EYS: variants seen among roughly 807,000 people sequenced by gnomAD.
EYS encodes the protein EGF-like photoreceptor maintenance factor.
A neutral mutation model predicts 282.1 loss-of-function variants in EYS; 250 were observed. The observed-to-expected ratio is 0.89, with a 90% CI of 0.80 to 0.98. The LOEUF (loss-of-function observed/expected upper bound fraction) is 0.98. EYS is among the 50% of genes least tolerant of loss of function. EYS has a pLI of 0.00. For missense variants in EYS, 4,016 were observed against 3,709.0 expected (o/e 1.08, Z -2.15); for synonymous variants, 1,355 against 1,282.9 (o/e 1.06, Z -1.20).
At chr6:64,297,436 T>C (rs1260971209) in intron 30 of EYS, among the ~76,000 whole-genome samples, 1 of 152,180 alleles carries the variant, frequency 6.6e-6, no homozygotes, top group Non-Finnish European at 1.5e-5. Flanking sequence ...AGAAACTCCA[T>C]GTAAAACAAC....
chr6:64,406,583 C>T (rs1039946257), intron 28 of EYS, among the ~76,000 whole-genome samples: 5 of 151,816 alleles, frequency 3.3e-5, no homozygotes, highest in Middle Eastern at 3.2e-3. Context: ...GGCTAATATC[C>T]AGAATCTACA....
intron 5 of EYS, among the ~76,000 whole-genome samples, chr6:65,445,487 T>C (rs1020171586): frequency 1.3e-5 from 2 of 151,874 alleles, no homozygotes; most frequent in African/African-American, 2.4e-5. Context: ...TGCTAATTTA[T>C]ATTTTAACTT....
At chr6:64,199,818 A>G (rs1436791351) in intron 31 of EYS, among the ~76,000 whole-genome samples, 3 of 152,228 alleles carry the variant, frequency 2.0e-5, no homozygotes, top group Non-Finnish European at 1.5e-5. Flanking sequence ...CATATGAAAA[A>G]AATGCTCTTA....
chr6:65,379,088 G>T (rs1021008703), intron 8 of EYS, among the ~76,000 whole-genome samples: 2 of 149,366 alleles, frequency 1.3e-5, no homozygotes, highest in African/African-American at 5.1e-5. Context: ...AGAAAAAAAA[G>T]AGAGGGACTC....
At chr6:65,227,985 AG>A (rs2150265241) in intron 12 of EYS, among the ~76,000 whole-genome samples, 1 of 152,228 alleles carries the variant, frequency 6.6e-6, no homozygotes, top group East Asian at 1.9e-4. Flanking sequence ...AGTTCTAGTA[AG>A]GAATAAGGAT....
chr6:63,965,773 G>T (rs574922807), intron 35 of EYS, among the ~76,000 whole-genome samples: 7 of 152,210 alleles, frequency 4.6e-5, no homozygotes, highest in African/African-American at 1.2e-4. Context: ...AGATCTGGGG[G>T]AACGGCTCAT....
chr6:65,119,262 T>C (rs189816748), intron 12 of EYS, among the ~76,000 whole-genome samples: 2 of 152,276 alleles, frequency 1.3e-5, no homozygotes, highest in Admixed American at 1.3e-4. Context: ...GCAGCATGCT[T>C]GGGAATACCA....
intron 22 of EYS, among the ~76,000 whole-genome samples, chr6:64,671,863 A>G (rs114320001): frequency 0.015 from 2,210 of 152,292 alleles, 49 homozygotes; most frequent in African/African-American, 0.051. Context: ...TACATGTCCA[A>G]AAACAACATT....
chr6:63,852,357 T>C (rs1310744153), intron 36 of EYS, among the ~76,000 whole-genome samples: 6 of 151,912 alleles, frequency 3.9e-5, no homozygotes, highest in Non-Finnish European at 8.8e-5. Context: ...AACACCTCTA[T>C]GCAAATAAAC....
At position 65,365,083 on chromosome 6, in the gene EYS, C is replaced by T. The variant is rs904249922; in HGVS notation, c.1300-11466G>A. On this transcript the variant is annotated intron_variant, in intron 8 of 42. Coordinates refer to ENST00000503581, the MANE Select transcript of EYS (RefSeq NM_001142800.2). Reference sequence around the variant, plus strand: ...TCTGAAGAGCAGCTGGAAAAATAAACAGTCAGGACTTCAGCCAACTATCAA... The same window carrying T: ...TCTGAAGAGCAGCTGGAAAAATAAATAGTCAGGACTTCAGCCAACTATCAA... 2.0e-5 allele frequency among the ~76,000 whole-genome samples: 3 copies of T among 151,604 alleles called. No individual in the cohort carries two copies. In the Admixed American group the frequency reaches 2.0e-4, roughly 10 times the overall value.
chr6:63,896,282 A>G (rs1034367071), intron 35 of EYS, among the ~76,000 whole-genome samples: 2 of 152,180 alleles, frequency 1.3e-5, no homozygotes, highest in African/African-American at 4.8e-5. Flanking sequence ...ATATATTACA[A>G]TGCACTGAAT....
At chr6:63,786,931 T>G (rs1770379969) in intron 39 of EYS, among the ~76,000 whole-genome samples, 1 of 152,092 alleles carries the variant, frequency 6.6e-6, no homozygotes, top group South Asian at 2.1e-4. Context: ...CCTGGTAAGT[T>G]GGTAACAATA....
At chr6:65,215,660 AGC>A (rs1320043090) in intron 12 of EYS, among the ~76,000 whole-genome samples, 1 of 152,246 alleles carries the variant, frequency 6.6e-6, no homozygotes. Flanking sequence ...GCTGTCAAAC[AGC>A]AACACATGCC....
intron 12 of EYS, among the ~76,000 whole-genome samples, chr6:65,149,085 A>AT (rs1764550465): frequency 6.6e-6 from 1 of 152,028 alleles, no homozygotes. Context: ...CCCTGGAGAC[A>AT]TTTTCCCCAT....
intron 31 of EYS, among the ~76,000 whole-genome samples, chr6:64,141,289 T>C (rs1412305175): frequency 2.0e-5 from 3 of 152,330 alleles, no homozygotes; most frequent in South Asian, 4.1e-4. Flanking sequence ...GGCATGGCTA[T>C]GTTGAATTGC....
chr6:64,076,715 A>T (rs1196469848), intron 32 of EYS, among the ~76,000 whole-genome samples: 1 of 151,084 alleles, frequency 6.6e-6, no homozygotes, highest in East Asian at 1.9e-4. Flanking sequence ...AGTCCATTAA[A>T]CCTCTTCTTC....
At chr6:63,880,615 A>C (rs1452454581) in intron 35 of EYS, among the ~76,000 whole-genome samples, 1 of 152,182 alleles carries the variant, frequency 6.6e-6, no homozygotes, top group Non-Finnish European at 1.5e-5. Context: ...CAAAGATCAG[A>C]TAACTGAAAA....
At chr6:64,699,486 T>C (rs1770707692) in intron 22 of EYS, among the ~76,000 whole-genome samples, 1 of 152,016 alleles carries the variant, frequency 6.6e-6, no homozygotes, top group African/African-American at 2.4e-5. Context: ...TAAAAGTTAA[T>C]TAAATGAGAA....
At chr6:64,194,981 C>A (rs1765238276) in intron 31 of EYS, among the ~76,000 whole-genome samples, 1 of 152,076 alleles carries the variant, frequency 6.6e-6, no homozygotes, top group African/African-American at 2.4e-5. Flanking sequence ...TAAAACATTG[C>A]TGCTTGCAAC....
Sources: gnomAD v4.1 joint callset for allele counts (sites outside exome capture counted in the v4.1 genomes callset) on GRCh38, gnomAD v4.1.1 for gene constraint, MANE v1.5 for transcripts, NCBI Gene and HGNC (gene_info 2026-07-23, HGNC 2026-07-21) for gene names.